Variants in MCTP1 observed in about 807,000 individuals in gnomAD.
MCTP1 encodes the protein multiple C2 and transmembrane domain containing 1, also known as multiple C2 and transmembrane domain-containing protein 1.
In MCTP1, 69 loss-of-function variants were observed where a neutral mutation model predicts 120.6. The ratio of observed to expected loss-of-function variants is 0.57; its 90% CI spans 0.47 to 0.70. The LOEUF (loss-of-function observed/expected upper bound fraction) is 0.70. Ranked by LOEUF, MCTP1 falls within the 30% of genes least tolerant of loss-of-function variation. The probability of loss-of-function intolerance (pLI) is 0.00; values close to 1 mark genes in which losing one functional copy is unlikely to be tolerated. For missense variants in MCTP1, 1,203 were observed against 1,248.8 expected, an observed-to-expected ratio of 0.96 and a Z score of 0.55; for synonymous variants, 529 against 493.1, an observed-to-expected ratio of 1.07 and a Z score of -0.96.
chr5:95,006,706 A>G (rs1331138106), intron 2 of MCTP1, among the ~76,000 whole-genome samples: 1 of 152,162 alleles, frequency 6.6e-6, no homozygotes, highest in Non-Finnish European at 1.5e-5. Context: ...ACTTTCTGAA[A>G]CCTGCTCAGA....
intron 17 of MCTP1, among the ~76,000 whole-genome samples, chr5:94,866,075 A>G (rs1055712307): frequency 2.0e-5 from 3 of 151,974 alleles, no homozygotes; most frequent in African/African-American, 7.2e-5. Context: ...AATTTGCTAC[A>G]ATAGTACTAA....
intron 1 of MCTP1, among the ~76,000 whole-genome samples, chr5:95,062,814 T>G (rs1411281565): frequency 5.3e-5 from 8 of 151,828 alleles, no homozygotes; most frequent in South Asian, 4.2e-4. Flanking sequence ...TTTTTTGTTT[T>G]TTTTGTTGTT....
intron 2 of MCTP1, among the ~76,000 whole-genome samples, chr5:94,989,270 A>G (rs906886155): frequency 6.6e-6 from 1 of 152,080 alleles, no homozygotes; most frequent in African/African-American, 2.4e-5. Context: ...TAGCGGGACA[A>G]TCTGGAAGAA....
At chr5:94,984,101 A>G (rs1044506743) in intron 2 of MCTP1, among the ~76,000 whole-genome samples, 4 of 152,218 alleles carry the variant, frequency 2.6e-5, no homozygotes, top group African/African-American at 9.6e-5. Context: ...AAAAATGAGT[A>G]ATTCCTCTTC....
chr5:94,967,601 T>C (rs1173832172), intron 2 of MCTP1, among the ~76,000 whole-genome samples: 1 of 151,910 alleles, frequency 6.6e-6, no homozygotes, highest in African/African-American at 2.4e-5. Context: ...GATTGAAGAG[T>C]TAAGTTAAAA....
chr5:95,251,877 C>T (rs1168639208), intron 1 of MCTP1, among the ~76,000 whole-genome samples: 1 of 151,618 alleles, frequency 6.6e-6, no homozygotes, highest in East Asian at 1.9e-4. Context: ...AGAAACTTAC[C>T]CCAAATCACA....
chr5:95,272,823 G>T (rs1416235182), intron 1 of MCTP1, among the ~76,000 whole-genome samples: 1 of 152,134 alleles, frequency 6.6e-6, no homozygotes, highest in Admixed American at 6.5e-5. Flanking sequence ...GGGCCAAAGG[G>T]AGCAGAGAGA....
intron 1 of MCTP1, among the ~76,000 whole-genome samples, chr5:95,087,818 A>G (rs1452652135): frequency 6.6e-6 from 1 of 152,090 alleles, no homozygotes; most frequent in Non-Finnish European, 1.5e-5. Context: ...TTCTGATTCC[A>G]TGCTCATCAA....
chr5:94,845,073 A>G lies in MCTP1; in HGVS notation c.2436+23260T>C, dbSNP rs1266291433. Among the ~76,000 whole-genome samples the G allele has an allele frequency of 2.6e-5, 4 of 152,240 alleles. No homozygotes were observed. The East Asian group carries it at 7.7e-4, about 29-fold the overall frequency. ...ATGGTAGAAAATATTTGCAAACTAT[A>G]TATCTGACAAAAGATCGAATATCCA... On this transcript the variant is annotated intron_variant, in intron 17 of 22. Coordinates refer to ENST00000515393, the MANE Select transcript of MCTP1 (RefSeq NM_024717.7).
At chr5:95,010,598 A>G (rs183037843) in intron 2 of MCTP1, among the ~76,000 whole-genome samples, 14 of 152,260 alleles carry the variant, frequency 9.2e-5, no homozygotes, top group Non-Finnish European at 2.1e-4. Flanking sequence ...TCTTTACCCA[A>G]TAAAAATTTC....
intron 17 of MCTP1, among the ~76,000 whole-genome samples, chr5:94,825,353 A>C (rs1362045595): frequency 6.6e-6 from 1 of 152,124 alleles, no homozygotes; most frequent in Non-Finnish European, 1.5e-5. Flanking sequence ...GCAGTTTTTG[A>C]ATGAGTTTCT....
In MCTP1 at chr5:95,204,156, C is replaced by T. The variant is rs73776314; in HGVS notation, c.720+79700G>A. 2.2e-3 allele frequency among the ~76,000 whole-genome samples: 329 copies of T among 152,198 alleles called. 1 individual carries two copies. Among genetic ancestry groups the T allele is most frequent in the African/African-American group, 6.8e-3 (281 of 41,544 alleles). On this transcript the variant is annotated intron_variant, in intron 1 of 22. Transcript: ENST00000515393. ...CAAATTGAGAAAGCCTTTTAAAAAG[C>T]GACTCAAAGTCAATTTATTCCATTC...
chr5:94,707,508 G>GT lies in MCTP1; in HGVS notation c.2987dup (p.Asn996LysfsTer11), dbSNP rs1191526672. ...TGCTGGGAGCTGGCTAGCCAAGATT[G>GT]TTTTTCTTTCTTTTATATGGGCTAT... On this transcript the variant is annotated frameshift_variant, in exon 23 of 23. Coordinates refer to ENST00000515393, the MANE Select transcript of MCTP1 (RefSeq NM_024717.7). LOFTEE classifies it high-confidence loss of function. 10 of 1,611,246 alleles carry GT rather than the reference G, an allele frequency of 6.2e-6. No individual in the cohort carries two copies. The African/African-American group carries it at 1.2e-4, about 19-fold the overall frequency.
At chr5:94,797,414 G>A (rs1315256215) in intron 18 of MCTP1, among the ~76,000 whole-genome samples, 4 of 152,008 alleles carry the variant, frequency 2.6e-5, no homozygotes, top group East Asian at 1.9e-4. Flanking sequence ...CTCTAAAATC[G>A]CCATGAAGTA....
At chr5:95,093,530 C>T (rs771534107) in intron 1 of MCTP1, among the ~76,000 whole-genome samples, 22 of 152,004 alleles carry the variant, frequency 1.4e-4, no homozygotes, top group Admixed American at 3.9e-4. Flanking sequence ...TTTGAGGAGT[C>T]TAAACTTCAT....
At chr5:94,828,623 C>T (rs1787784287) in intron 17 of MCTP1, among the ~76,000 whole-genome samples, 1 of 152,234 alleles carries the variant, frequency 6.6e-6, no homozygotes. Flanking sequence ...CTGACTAGGG[C>T]TGGTGCCTTT....
intron 1 of MCTP1, among the ~76,000 whole-genome samples, chr5:95,080,850 T>C (rs1562125593): frequency 6.6e-6 from 1 of 152,194 alleles, no homozygotes; most frequent in Non-Finnish European, 1.5e-5. Flanking sequence ...ACTCATACAA[T>C]TTTAAAACAA....
intron 1 of MCTP1, among the ~76,000 whole-genome samples, chr5:95,073,736 T>A (rs1229365646): frequency 6.6e-6 from 1 of 152,148 alleles, no homozygotes; most frequent in Non-Finnish European, 1.5e-5. Flanking sequence ...GATACCCTGG[T>A]TGTTGGCATC....
At chr5:94,950,395 C>A (rs895104539) in intron 3 of MCTP1, among the ~76,000 whole-genome samples, 5 of 151,938 alleles carry the variant, frequency 3.3e-5, no homozygotes, top group Admixed American at 1.3e-4. Flanking sequence ...TTAAAAAAAA[C>A]CCAACAACCT....
Sources: gnomAD v4.1 joint callset for allele counts (sites outside exome capture counted in the v4.1 genomes callset) on GRCh38, gnomAD v4.1.1 for gene constraint, MANE v1.5 for transcripts, NCBI Gene and HGNC (gene_info 2026-07-23, HGNC 2026-07-21) for gene names.